Variants in TEAD4 observed in about 807,000 individuals in gnomAD.
The protein encoded by TEAD4 is TEA domain transcription factor 4.
In TEAD4, 36 loss-of-function variants were observed where a neutral mutation model predicts 52.4. The ratio of observed to expected loss-of-function variants is 0.69; its 90% confidence interval spans 0.53 to 0.91. The LOEUF (loss-of-function observed/expected upper bound fraction) is 0.91. TEAD4 is among the 40% of genes least tolerant of loss of function. TEAD4 has a pLI of 0.00. For synonymous variants in TEAD4, 220 were observed against 231.0 expected, an observed-to-expected ratio of 0.95 and a Z score of 0.43; for missense variants, 508 against 583.9, an observed-to-expected ratio of 0.87 and a Z score of 1.34.
chr12:2,970,736 A>G (rs1402705654), intron 2 of TEAD4, among the ~76,000 whole-genome samples: 1 of 152,206 alleles, frequency 6.6e-6, no homozygotes, highest in Non-Finnish European at 1.5e-5. Flanking sequence ...TCCTGATGAC[A>G]AGACAGGTTC....
chr12:3,006,056 A>G (rs78829618), intron 3 of TEAD4, among the ~76,000 whole-genome samples: 7,080 of 152,302 alleles, frequency 0.046, 527 homozygotes, highest in African/African-American at 0.16. Context: ...ATGAAAAATG[A>G]TAAGTATTTG....
chr12:3,040,521 G>C lies in TEAD4; in HGVS notation c.*43G>C. 1 of 1,578,834 alleles carries C rather than the reference G, an allele frequency of 6.3e-7. No individual in the cohort carries two copies. The highest frequency in any genetic ancestry group is 8.7e-7 in the Non-Finnish European group (1 of 1,151,374). On this transcript the variant is annotated 3_prime_UTR_variant, in exon 13 of 13. Transcript: ENST00000359864. ...GAGGGGGGAAGAGACGTGTGTGCAG[G>C]AAACGGGGACGTGGGGAGGGGACCT... is the stretch of plus-strand genomic sequence containing the variant.
At chr12:2,987,875 G>A (rs1034506198) in intron 2 of TEAD4, among the ~76,000 whole-genome samples, 7 of 151,566 alleles carry the variant, frequency 4.6e-5, no homozygotes, top group Non-Finnish European at 1.0e-4. Context: ...GACCAGCCTG[G>A]CCAACATGGT....
intron 2 of TEAD4, among the ~76,000 whole-genome samples, chr12:2,964,179 CTCT>C (rs1348577006): frequency 6.6e-6 from 1 of 152,180 alleles, no homozygotes; most frequent in Admixed American, 6.5e-5. Flanking sequence ...GAGCTTTCGG[CTCT>C]TACTAGCACA....
At chr12:2,983,333 C>T (rs1038110789) in intron 2 of TEAD4, among the ~76,000 whole-genome samples, 9 of 152,164 alleles carry the variant, frequency 5.9e-5, no homozygotes, top group African/African-American at 2.2e-4. Flanking sequence ...TCCTGCGGGA[C>T]AGCCTTCCGG....
Position 2,964,438 on chromosome 12 carries a change from A to G in TEAD4, c.-30+4398A>G, listed in dbSNP as rs559866801. 2.5e-4 allele frequency among the ~76,000 whole-genome samples: 38 copies of G among 150,102 alleles called. 1 individual carries two copies. The South Asian group carries it at 7.6e-3, about 30-fold the overall frequency. On this transcript the variant is annotated intron_variant, in intron 2 of 12. Transcript: ENST00000359864. Reference sequence around the variant, plus strand: ...GTCCCCAGGCTGGGGTCGCTGGACAACGTGAGGGATTTCTTTCTTTCTTTT... The same window carrying G: ...GTCCCCAGGCTGGGGTCGCTGGACAGCGTGAGGGATTTCTTTCTTTCTTTT...
intron 3 of TEAD4, 147 bp from the exon 4 acceptor site, chr12:3,010,857 G>A (rs2098259741): frequency 1.3e-6 from 1 of 773,856 alleles, no homozygotes; most frequent in Non-Finnish European, 2.1e-6. Context: ...TCCAGAGAGG[G>A]AACCCACAGA....
intron 10 of TEAD4, among the ~76,000 whole-genome samples, chr12:3,023,698 G>A (rs921754769): frequency 5.9e-5 from 9 of 151,498 alleles, no homozygotes; most frequent in Non-Finnish European, 1.3e-4. Context: ...GGCTGAGGCA[G>A]GAGTAATCGC....
rs1040315666 is a variant in TEAD4, at chr12:3,011,814, C to T, written c.292-356C>T. ...CCGAGTAGCTGGAATTACAGGCATG[C>T]GCCACCACACCCAGCTAATTTTTGT... On this transcript the variant is annotated intron_variant, in intron 4 of 12. Coordinates refer to ENST00000359864, the MANE Select transcript of TEAD4 (RefSeq NM_003213.4). Among the ~76,000 whole-genome samples the T allele has an allele frequency of 3.3e-5, 5 of 152,070 alleles. No homozygotes were observed. The South Asian group carries it at 8.3e-4, about 25-fold the overall frequency.
chr12:2,980,736 T>TA (rs1210823772), intron 2 of TEAD4, among the ~76,000 whole-genome samples: 139 of 138,770 alleles, frequency 1.0e-3, no homozygotes, highest in South Asian at 2.1e-3. Flanking sequence ...CTGTCTCAAT[T>TA]AAAAAAAAAA....
intron 2 of TEAD4, among the ~76,000 whole-genome samples, chr12:2,987,636 G>A (rs1025717824): frequency 3.3e-5 from 5 of 151,060 alleles, no homozygotes; most frequent in South Asian, 2.1e-4. Flanking sequence ...GGGTTTCACC[G>A]TGGTCTCGAT....
At chr12:2,971,607 C>G (rs2098225096) in intron 2 of TEAD4, among the ~76,000 whole-genome samples, 1 of 143,462 alleles carries the variant, frequency 7.0e-6, no homozygotes, top group Non-Finnish European at 1.5e-5. Context: ...TCCTGAGTAG[C>G]TGGGACTACA....
At chr12:3,018,652 C>T in intron 7 of TEAD4, 64 bp downstream of exon 7, 2 of 1,607,500 alleles carry the variant, frequency 1.2e-6, no homozygotes, top group South Asian at 2.2e-5. Context: ...CCCATAAACT[C>T]ATGGCATTAA....
chr12:3,013,345 C>T (rs1246763221), intron 5 of TEAD4, among the ~76,000 whole-genome samples: 4 of 151,770 alleles, frequency 2.6e-5, no homozygotes, highest in Middle Eastern at 3.4e-3. Context: ...TCAGAGGAGC[C>T]GTTCTGGTCA....
At chr12:2,985,245 C>T (rs996125594) in intron 2 of TEAD4, among the ~76,000 whole-genome samples, 7 of 151,662 alleles carry the variant, frequency 4.6e-5, no homozygotes, top group East Asian at 4.0e-4. Context: ...ACTAGCCAGT[C>T]GTGGTGGCAG....
intron 2 of TEAD4, among the ~76,000 whole-genome samples, chr12:2,966,096 G>A (rs1175011827): frequency 6.6e-6 from 1 of 152,148 alleles, no homozygotes; most frequent in Non-Finnish European, 1.5e-5. Context: ...AGCCAACCTG[G>A]GTTCACTCTA....
At chr12:2,980,629 A>T (rs1031319379) in intron 2 of TEAD4, among the ~76,000 whole-genome samples, 7 of 152,036 alleles carry the variant, frequency 4.6e-5, no homozygotes, top group Non-Finnish European at 8.8e-5. Context: ...GCTACTCAGG[A>T]GGCTGAGGCA....
chr12:2,991,809 T>G (rs1398531730), intron 2 of TEAD4, among the ~76,000 whole-genome samples: 1 of 152,086 alleles, frequency 6.6e-6, no homozygotes, highest in African/African-American at 2.4e-5. Flanking sequence ...AAACTTACTT[T>G]AACAGCCACA....
intron 3 of TEAD4, among the ~76,000 whole-genome samples, chr12:2,997,618 G>C (rs941876832): frequency 2.0e-5 from 3 of 152,206 alleles, no homozygotes; most frequent in Non-Finnish European, 4.4e-5. Context: ...GGGCAGGTCT[G>C]TGTGCTTTAG....
Sources: allele counts gnomAD v4.1 joint callset (sites outside exome capture counted in the v4.1 genomes callset), GRCh38; gene constraint gnomAD v4.1.1; transcripts MANE v1.5; gene names NCBI Gene and HGNC (gene_info 2026-07-23, HGNC 2026-07-21).